The following YTHDF1 variants were observed in gnomAD, a reference collection of about 807,000 sequenced individuals.
The protein encoded by YTHDF1 is YTH N6-methyladenosine RNA binding protein F1, also known as YTH domain-containing family protein 1.
In YTHDF1, 16 loss-of-function variants were observed where a neutral mutation model predicts 49.1. The observed-to-expected ratio is 0.33, with a 90% CI of 0.22 to 0.49. The LOEUF is 0.49. Among genes scored for constraint, YTHDF1 ranks in the 20% least tolerant of loss-of-function variants. The pLI, the probability that YTHDF1 is intolerant of heterozygous loss-of-function variation, is 0.99. For missense variants in YTHDF1, 621 were observed against 744.3 expected, an observed-to-expected ratio of 0.83 and a Z score of 1.93; for synonymous variants, 313 against 290.1, an observed-to-expected ratio of 1.08 and a Z score of -0.80.
Position 63,202,478 on chromosome 20 carries a change from G to C in YTHDF1, c.1462C>G (p.Gln488Glu). The C allele has an allele frequency of 6.2e-7, 1 of 1,614,278 alleles. No homozygotes were observed. The highest frequency in any genetic ancestry group is 8.5e-7 in the Non-Finnish European group (1 of 1,180,056). The stretch of plus-strand genomic sequence containing the variant: ...TTCTCCAGCCTGATGTGCCGGAGCT[G>C]GTTATTGGGTACATCCTTAACAAAA... ...WIFVKDVPNN[Q>E]LRHIRLENND... The change falls in exon 4 of 5, where the codon CAG becomes GAG. Residue 488 changes from glutamine (Q) to glutamate (E), a missense_variant. Around this residue, in one of 2 missense-constraint regions of YTHDF1, gnomAD observed 151 missense variants for 248.5 expected, o/e 0.61. Coordinates refer to ENST00000370339, the MANE Select transcript of YTHDF1 (RefSeq NM_017798.4).
chr20:63,197,884 A>T (rs945600354), intron 4 of YTHDF1, among the ~76,000 whole-genome samples: 1 of 152,132 alleles, frequency 6.6e-6, no homozygotes, highest in Admixed American at 6.5e-5. Context: ...CTAAAAATGG[A>T]CTGAATGTGT....
In YTHDF1 at chr20:63,215,565, G is replaced by A. The variant is rs1183660860; in HGVS notation, c.52+12C>T. On this transcript the variant is annotated intron_variant, in intron 2 of 4. Transcript: ENST00000370339. Reference sequence around the variant, plus strand: ...CTCCAGCCCGCGCCGGCCGTCCCGGGACTCCGCTCACCTTTATTATCTTGT... The same window carrying A: ...CTCCAGCCCGCGCCGGCCGTCCCGGAACTCCGCTCACCTTTATTATCTTGT... 8 of 1,613,338 alleles carry A rather than the reference G, an allele frequency of 5.0e-6. No individual in the cohort carries two copies. Among genetic ancestry groups the A allele is most frequent in the East Asian group, 2.2e-5 (1 of 44,782 alleles).
In YTHDF1 at chr20:63,205,686, T is replaced by C. The variant is rs552012834; in HGVS notation, c.133-1879A>G. 2.0e-5 allele frequency among the ~76,000 whole-genome samples: 3 copies of C among 152,202 alleles called. No individual in the cohort carries two copies. In the South Asian group the frequency reaches 6.2e-4, roughly 32 times the overall value. ...ACCACACCCGGTTAATTTTTGTATT[T>C]TTAGTAGAGACAGGATTTCATCATC... On this transcript the variant is annotated intron_variant, in intron 3 of 4. Transcript: ENST00000370339.
chr20:63,199,176 C>A (rs1422096173), intron 4 of YTHDF1, among the ~76,000 whole-genome samples: 1 of 152,228 alleles, frequency 6.6e-6, no homozygotes, highest in African/African-American at 2.4e-5. Flanking sequence ...GGGGGCTCTA[C>A]CAGCACAGGC....
rs1322582319 is a variant in YTHDF1, at chr20:63,203,924, T to TA, written c.133-118dup. On this transcript the variant is annotated intron_variant, in intron 3 of 4. Transcript: ENST00000370339. This position sits in a 1 kb window ranked among gnomAD's most constrained non-coding sequence, Gnocchi z 4.4. ...AAACAAAACCTGCACAGCATGGGGC[T>TA]ACTCCTTCCAGAAAGAAAGCTGTAG... is the stretch of plus-strand genomic sequence containing the variant. The TA allele has an allele frequency of 8.6e-6, 8 of 929,920 alleles. 1 individual carries two copies. The highest frequency in any genetic ancestry group is 1.3e-5 in the Non-Finnish European group (8 of 638,618). The allele number at this position is 929,920 out of a possible 1,614,324, so 57.6% of individuals were successfully genotyped here. A position where few individuals can be genotyped will look rare whatever the true frequency, so the allele number is the denominator to read the frequency against.
In YTHDF1 at chr20:63,196,751, CA is replaced by C. The variant is rs147648471; in HGVS notation, c.1654-18del. 6.2e-7 allele frequency: 1 copy of C among 1,613,702 alleles called. No homozygotes were observed. The highest frequency in any genetic ancestry group is 1.7e-5 in the Admixed American group (1 of 59,968). On this transcript the variant is annotated intron_variant, in intron 4 of 4. Coordinates refer to ENST00000370339, the MANE Select transcript of YTHDF1 (RefSeq NM_017798.4). ...CTGCCGTTCCTGTAAAAAGAAAAAA[CA>C]AAAGTTGAACGCAGAGTAACCACAC...
chr20:63,208,827 G>A (rs2066560203), intron 3 of YTHDF1, among the ~76,000 whole-genome samples: 1 of 152,136 alleles, frequency 6.6e-6, no homozygotes, highest in Non-Finnish European at 1.5e-5. Flanking sequence ...GCATCTCCAG[G>A]CTGTTCTCAA....
Position 63,197,021 on chromosome 20 carries a change from C to T in YTHDF1, c.1654-287G>A, listed in dbSNP as rs531341818. 2.4e-4 allele frequency among the ~76,000 whole-genome samples: 36 copies of T among 152,342 alleles called. No homozygotes were observed. The South Asian group carries it at 7.3e-3, about 31-fold the overall frequency. On this transcript the variant is annotated intron_variant, in intron 4 of 4. Transcript: ENST00000370339. ...GTCTGCTGGGAAGCCTCACTTCCCA[C>T]AGCTGTCTTTCCCTCATGTGCCACT...
intron 4 of YTHDF1, among the ~76,000 whole-genome samples, chr20:63,200,463 A>T (rs1296756534): frequency 6.6e-6 from 1 of 152,208 alleles, no homozygotes; most frequent in Non-Finnish European, 1.5e-5. Flanking sequence ...ATATGGGCCC[A>T]GAGTTCTCCA....
intron 4 of YTHDF1, among the ~76,000 whole-genome samples, chr20:63,200,159 G>C (rs56136897): frequency 6.6e-6 from 1 of 151,778 alleles, no homozygotes; most frequent in South Asian, 2.1e-4. Context: ...TCAAGAGATC[G>C]AGACCAGCCT....
intron 3 of YTHDF1, among the ~76,000 whole-genome samples, chr20:63,210,943 C>G (rs983546483): frequency 1.3e-5 from 2 of 152,308 alleles, no homozygotes; most frequent in South Asian, 2.1e-4. Context: ...GCAACTAGGA[C>G]TGAAACTCTA....
chr20:63,199,128 T>G (rs985874131), intron 4 of YTHDF1, among the ~76,000 whole-genome samples: 9 of 152,242 alleles, frequency 5.9e-5, no homozygotes, highest in Non-Finnish European at 1.2e-4. Context: ...GGTGGGTCTG[T>G]TCTTCGAAGT....
rs747545232 is a variant in YTHDF1 at position 63,203,057 on chromosome 20, C to A, written c.883G>T (p.Ala295Ser). 50 of 1,605,278 alleles carry A rather than the reference C, an allele frequency of 3.1e-5. No individual in the cohort carries two copies. The highest frequency in any genetic ancestry group is 4.1e-5 in the Non-Finnish European group (48 of 1,174,936). The stretch of plus-strand genomic sequence containing the variant: ...TGAGCCACCTGCTGGGGCTGTGGGG[C>A]AGCCTGTGGAGAGGGTGCCTGCTGG... ...VPQQAPSPQA[A>S]PQPQQVAQPL... Residue 295 changes from alanine (A) to serine (S), a missense_variant, in exon 4 of 5, where the codon GCC becomes TCC. Around this residue, in one of 2 missense-constraint regions of YTHDF1, gnomAD observed 470 missense variants for 495.8 expected, o/e 0.95. Transcript: ENST00000370339. The surrounding 1 kb of genome is among the most constrained non-coding windows in gnomAD (Gnocchi z 4.4).
chr20:63,205,283 C>T (rs2066540413), intron 3 of YTHDF1, among the ~76,000 whole-genome samples: 1 of 152,182 alleles, frequency 6.6e-6, no homozygotes, highest in Admixed American at 6.5e-5. Context: ...TGTGGGATCC[C>T]AGACAATGAA....
At chr20:63,211,668 T>C (rs1386493422) in intron 3 of YTHDF1, among the ~76,000 whole-genome samples, 1 of 151,966 alleles carries the variant, frequency 6.6e-6, no homozygotes, top group Non-Finnish European at 1.5e-5. Context: ...ATAAAAATAT[T>C]TTTGGCTGGG....
intron 3 of YTHDF1, among the ~76,000 whole-genome samples, chr20:63,213,475 G>C (rs775972797): frequency 1.3e-5 from 2 of 152,122 alleles, no homozygotes; most frequent in Non-Finnish European, 2.9e-5. Context: ...CTCCACAGTC[G>C]CTCCACAGCC....
intron 4 of YTHDF1, among the ~76,000 whole-genome samples, chr20:63,198,772 C>G (rs2122970888): frequency 6.6e-6 from 1 of 152,316 alleles, no homozygotes. Context: ...CTGAGCCGGC[C>G]TGGAGGTCGA....
chr20:63,205,516 C>CTT (rs11452326), intron 3 of YTHDF1, among the ~76,000 whole-genome samples: 25 of 148,804 alleles, frequency 1.7e-4, no homozygotes, highest in East Asian at 7.9e-4. Flanking sequence ...GAACCCCCCC[C>CTT]TTTTTTTTTT....
intron 3 of YTHDF1, among the ~76,000 whole-genome samples, chr20:63,212,822 G>A (rs959583406): frequency 1.3e-5 from 2 of 152,122 alleles, no homozygotes; most frequent in Non-Finnish European, 2.9e-5. Context: ...AGTTGCTAAT[G>A]GCATCTAGTG....
Sources: gnomAD v4.1 joint callset for allele counts (sites outside exome capture counted in the v4.1 genomes callset) on GRCh38, gnomAD v4.1.1 for gene constraint, gnomAD v4.1.1 regional missense constraint, Gnocchi (gnomAD v3.1) non-coding constraint, MANE v1.5 for transcripts, NCBI Gene and HGNC (gene_info 2026-07-23, HGNC 2026-07-21) for gene names.